Variants in ABCG2 observed in about 807,000 individuals in gnomAD.
ABCG2 encodes ATP binding cassette subfamily G member 2 (JR blood group), also known as broad substrate specificity ATP-binding cassette transporter ABCG2.
In ABCG2, 80 loss-of-function variants were observed where a neutral mutation model predicts 73.5. The ratio of observed to expected loss-of-function variants is 1.09; its 90% CI spans 0.91 to 1.31. The LOEUF (loss-of-function observed/expected upper bound fraction) is 1.31, where lower values mean the gene tolerates loss of function less well. Ranked by LOEUF, ABCG2 falls within the 50% of genes most tolerant of loss-of-function variation. The probability of loss-of-function intolerance (pLI) is 0.00; values close to 1 mark genes in which losing one functional copy is unlikely to be tolerated. For synonymous variants in ABCG2, 269 were observed against 282.4 expected (o/e 0.95, Z 0.48); for missense variants, 796 against 786.2 (o/e 1.01, Z -0.15).
chr4:88,218,775 A>G (rs964176664), intron 1 of ABCG2, among the ~76,000 whole-genome samples: 1 of 152,216 alleles, frequency 6.6e-6, no homozygotes, highest in African/African-American at 2.4e-5. Flanking sequence ...TTGAATGACT[A>G]TCATGAAAGT....
chr4:88,226,726 A>G (rs1730229874), intron 1 of ABCG2: 1 of 152,448 alleles, frequency 6.6e-6, no homozygotes, highest in Non-Finnish European at 1.5e-5. Flanking sequence ...GTACCCTGAC[A>G]TGTTCCTTTT....
intron 1 of ABCG2, among the ~76,000 whole-genome samples, chr4:88,146,898 A>AGAAGGAAG (rs34167974): frequency 7.2e-5 from 9 of 124,620 alleles, no homozygotes; most frequent in African/African-American, 2.8e-4. Context: ...AAAAGGAGAA[A>AGAAGGAAG]GAAGGAAGGA....
upstream of ABCG2, among the ~76,000 whole-genome samples, chr4:88,160,848 CAAAAAAAAAA>C (rs765758097): frequency 5.3e-5 from 2 of 37,460 alleles, no homozygotes; most frequent in African/African-American, 2.2e-4. Context: ...GACTCCATCT[CAAAAAAAAAA>C]AAAAAAAAAA....
intron 1 of ABCG2, among the ~76,000 whole-genome samples, chr4:88,185,005 G>T (rs1314043084): frequency 6.6e-6 from 1 of 152,162 alleles, no homozygotes; most frequent in Non-Finnish European, 1.5e-5. Context: ...TCAGAAGAAT[G>T]AATCTAGACC....
At chr4:88,120,115 T>C (rs934275698) in intron 6 of ABCG2, among the ~76,000 whole-genome samples, 3 of 152,266 alleles carry the variant, frequency 2.0e-5, no homozygotes, top group Middle Eastern at 3.4e-3. Flanking sequence ...GTTTCAGCCA[T>C]GGTTAAAGGG....
chr4:88,160,015 G>A (rs1348669989), upstream of ABCG2, among the ~76,000 whole-genome samples: 1 of 152,132 alleles, frequency 6.6e-6, no homozygotes, highest in East Asian at 1.9e-4. Context: ...GGCTGACGCA[G>A]GCAGATCACT....
intron 1 of ABCG2, among the ~76,000 whole-genome samples, chr4:88,230,449 T>C (rs1730421999): frequency 6.6e-6 from 1 of 151,622 alleles, no homozygotes; most frequent in Non-Finnish European, 1.5e-5. Flanking sequence ...AGGCATGATA[T>C]AGGCAGTTAA....
intron 1 of ABCG2, among the ~76,000 whole-genome samples, chr4:88,144,081 CCCAT>C (rs1439636070): frequency 9.9e-5 from 15 of 152,154 alleles, no homozygotes; most frequent in African/African-American, 3.4e-4. Context: ...AAGGAAAATA[CCCAT>C]CACACAACGA....
Position 88,093,815 on chromosome 4 carries a change from G to A in ABCG2, c.1820+762C>T, listed in dbSNP as rs538078746. Among the ~76,000 whole-genome samples the A allele has an allele frequency of 2.2e-4, 34 of 152,248 alleles. 1 individual carries two copies. The East Asian group carries it at 6.4e-3, about 28-fold the overall frequency. On this transcript the variant is annotated intron_variant, in intron 15 of 15. Transcript: ENST00000237612. ...ATTCTCTTTTCTCTCATTAATTTAT[G>A]TATCAAAATCAAACCATTAGCAATC...
chr4:88,186,022 A>G (rs1380411955), intron 1 of ABCG2, among the ~76,000 whole-genome samples: 1 of 152,186 alleles, frequency 6.6e-6, no homozygotes, highest in Non-Finnish European at 1.5e-5. Flanking sequence ...TATACCCCCA[A>G]AAAAGGAAAT....
chr4:88,101,144 C>T, intron 11 of ABCG2, 86 bp downstream of exon 11: 1 of 1,127,464 alleles, frequency 8.9e-7, no homozygotes, highest in Non-Finnish European at 1.3e-6. Context: ...CGGATCCCAT[C>T]CTTGGCCCCA....
Position 88,118,170 on chromosome 4 carries a change from G to A in ABCG2, c.780C>T (p.Ala260=), listed in dbSNP as rs889786438. ...FKLFDSLTLL[A]SGRLMFHGPA... ...GCCCGTGGAACATAAGTCTTCCTGA[G>A]GCCAATAAGGTGAGGCTATCAAACA... is the stretch of plus-strand genomic sequence containing the variant. The change falls in exon 7 of 16, where the codon GCC becomes GCT. Residue 260 remains alanine (A), a synonymous_variant. Coordinates refer to ENST00000237612, the MANE Select transcript of ABCG2 (RefSeq NM_004827.3). 7 of 1,614,094 alleles carry A rather than the reference G, an allele frequency of 4.3e-6. No individual in the cohort carries two copies. Among genetic ancestry groups the A allele is most frequent in the African/African-American group, 1.3e-5 (1 of 75,034 alleles).
chr4:88,114,956 C>T lies in ABCG2; in HGVS notation c.943+1G>A, dbSNP rs1268719212. ...TCTGGGACTGTAACAGATTCATATA[C>T]CTTTAAAGTCTTCTTCTCTGTTTAA... is the stretch of plus-strand genomic sequence containing the variant. On this transcript the variant is annotated splice_donor_variant, in intron 8 of 15. Transcript: ENST00000237612. LOFTEE classifies it high-confidence loss of function. The T allele has an allele frequency of 1.9e-6, 3 of 1,602,958 alleles. No homozygotes were observed. Among genetic ancestry groups the T allele is most frequent in the South Asian group, 1.1e-5 (1 of 90,384 alleles).
rs191587175 is a variant in ABCG2, at chr4:88,154,649, G to A, written c.-20+3737C>T. On this transcript the variant is annotated intron_variant, in intron 1 of 15. Coordinates refer to ENST00000237612, the MANE Select transcript of ABCG2 (RefSeq NM_004827.3). ...TGCGGAAATGGGGTGAATGCCCGGT[G>A]GATCAGAGAGATAGTCATGGGGGTC... is the stretch of plus-strand genomic sequence containing the variant. Among the ~76,000 whole-genome samples, 6 of 152,256 alleles carry A rather than the reference G, an allele frequency of 3.9e-5. No homozygotes were observed. The East Asian group carries it at 7.7e-4, about 20-fold the overall frequency.
At chr4:88,112,052 C>T (rs1723168634) in intron 9 of ABCG2, among the ~76,000 whole-genome samples, 1 of 150,662 alleles carries the variant, frequency 6.6e-6, no homozygotes, top group Non-Finnish European at 1.5e-5. Flanking sequence ...CACCACTGCA[C>T]TCCAGTATGA....
Position 88,151,936 on chromosome 4 carries a change from G to A in ABCG2, c.-20+6450C>T, listed in dbSNP as rs898848684. On this transcript the variant is annotated intron_variant, in intron 1 of 15. Coordinates refer to ENST00000237612, the MANE Select transcript of ABCG2 (RefSeq NM_004827.3). ...GCAAGGGATCCTCTCTCTAATCCAC[G>A]GGTACAGTTACCATCTCAGACCAAA... 8.5e-5 allele frequency among the ~76,000 whole-genome samples: 13 copies of A among 152,168 alleles called. 1 individual carries two copies. Among genetic ancestry groups the A allele is most frequent in the Admixed American group, 2.6e-4 (4 of 15,276 alleles).
upstream of ABCG2, chr4:88,158,726 C>T: frequency 2.3e-6 from 1 of 428,368 alleles, no homozygotes; most frequent in South Asian, 1.6e-5. Context: ...CCAACCACAC[C>T]CGGCGCGCCC....
chr4:88,146,803 G>A (rs1361721987), intron 1 of ABCG2, among the ~76,000 whole-genome samples: 1 of 151,750 alleles, frequency 6.6e-6, no homozygotes, highest in East Asian at 1.9e-4. Flanking sequence ...TCCATGAGAC[G>A]GAGGCTGCAG....
rs1055865400 is a variant in ABCG2, at chr4:88,209,597, C to T, written c.-20+21397G>A. Reference sequence around the variant, plus strand: ...GCTTGAACCTGGGAGCCGGAGGTTGCAGTGAGCTGATGTCATGCCACTGCA... The same window carrying T: ...GCTTGAACCTGGGAGCCGGAGGTTGTAGTGAGCTGATGTCATGCCACTGCA... On this transcript the variant is annotated intron_variant, in intron 1 of 15. Coordinates refer to the ABCG2 transcript ENST00000515655. 9.2e-5 allele frequency among the ~76,000 whole-genome samples: 14 copies of T among 151,868 alleles called. No homozygotes were observed. The East Asian group carries it at 2.5e-3, about 27-fold the overall frequency.
Sources: gnomAD v4.1 joint callset for allele counts (sites outside exome capture counted in the v4.1 genomes callset) on GRCh38, gnomAD v4.1.1 for gene constraint, MANE v1.5 for transcripts, NCBI Gene and HGNC (gene_info 2026-07-23, HGNC 2026-07-21) for gene names.